Variants in GPHN observed in about 807,000 individuals in gnomAD.
GPHN encodes the protein gephyrin.
GPHN carries 17 observed loss-of-function variants against 95.5 expected under a neutral mutation model. The ratio of observed to expected loss-of-function variants is 0.18; its 90% CI spans 0.12 to 0.27. The LOEUF is 0.27. Ranked by LOEUF, GPHN falls within the 10% of genes least tolerant of loss-of-function variation. GPHN has a pLI of 1.00. For missense variants in GPHN, 660 were observed against 978.1 expected (o/e 0.67, Z 4.34); for synonymous variants, 320 against 322.5 (o/e 0.99, Z 0.08).
the GPHN span, among the ~76,000 whole-genome samples, chr14:67,378,518 G>A: frequency 1.3e-5 from 2 of 152,164 alleles, no homozygotes; most frequent in African/African-American, 2.4e-5. Context: ...GAGCCAGGCA[G>A]TATTCAAACG....
chr14:67,292,772 G>A, the GPHN span: 1 of 1,395,734 alleles, frequency 7.2e-7, no homozygotes, highest in Non-Finnish European at 1.0e-6. Flanking sequence ...GTAGTGGCAG[G>A]AAGGCAGGAT....
chr14:67,688,965 T>C, the GPHN span, among the ~76,000 whole-genome samples: 1 of 152,148 alleles, frequency 6.6e-6, no homozygotes, highest in Non-Finnish European at 1.5e-5. Context: ...AATGAATGAA[T>C]CTTCTGTCAA....
the GPHN span, chr14:67,385,686 G>A: frequency 1.4e-5 from 2 of 144,346 alleles, no homozygotes; most frequent in Admixed American, 7.0e-5. Context: ...TTGGCAAATG[G>A]TGTTATATTG....
intron 1 of GPHN, among the ~76,000 whole-genome samples, chr14:66,645,816 G>C (rs1330935861): frequency 1.3e-5 from 2 of 151,480 alleles, no homozygotes; most frequent in South Asian, 4.2e-4. Flanking sequence ...TAGATACTCA[G>C]ACTAACCCTA....
chr14:67,691,259 C>T, the GPHN span: 14 of 1,594,650 alleles, frequency 8.8e-6, no homozygotes, highest in Admixed American at 6.7e-5. Context: ...AGGGACAAGA[C>T]GATGGAGCGT....
chr14:67,702,659 C>T, the GPHN span, among the ~76,000 whole-genome samples: 1 of 152,106 alleles, frequency 6.6e-6, no homozygotes, highest in African/African-American at 2.4e-5. Context: ...GTCATGTGAA[C>T]TTGGAAAACC....
At chr14:67,027,566 G>A (rs920027613) in intron 10 of GPHN, among the ~76,000 whole-genome samples, 3 of 152,016 alleles carry the variant, frequency 2.0e-5, no homozygotes, top group Non-Finnish European at 4.4e-5. Flanking sequence ...TCCTGACCTC[G>A]TGATCAGCTG....
At chr14:67,711,942 G>A in the GPHN span, among the ~76,000 whole-genome samples, 81 of 151,612 alleles carry the variant, frequency 5.3e-4, no homozygotes, top group South Asian at 2.1e-3. Flanking sequence ...TTTTTGAGAC[G>A]GAGTTTTGCT....
intron 9 of GPHN, among the ~76,000 whole-genome samples, chr14:67,002,625 C>T (rs72730440): frequency 0.059 from 8,920 of 151,310 alleles, 316 homozygotes; most frequent in Middle Eastern, 0.085. Context: ...CTGTGCCTTA[C>T]TAACTTTGTG....
the GPHN span, among the ~76,000 whole-genome samples, chr14:67,675,532 G>C: frequency 2.6e-5 from 4 of 152,140 alleles, no homozygotes; most frequent in South Asian, 4.2e-4. Context: ...GGATGACCTC[G>C]AAATACTCTA....
chr14:67,602,612 C>T, the GPHN span, among the ~76,000 whole-genome samples: 1 of 152,136 alleles, frequency 6.6e-6, no homozygotes, highest in Non-Finnish European at 1.5e-5. Flanking sequence ...TTGGGCTCCA[C>T]GGATAGAATC....
chr14:66,804,896 A>G (rs2060488015), intron 3 of GPHN, among the ~76,000 whole-genome samples: 1 of 152,154 alleles, frequency 6.6e-6, no homozygotes, highest in Admixed American at 6.5e-5. Flanking sequence ...TTAACTGATT[A>G]TTGCTAGGAT....
chr14:67,000,802 A>G (rs949945485), intron 9 of GPHN, among the ~76,000 whole-genome samples: 7 of 151,782 alleles, frequency 4.6e-5, no homozygotes, highest in Middle Eastern at 3.4e-3. Flanking sequence ...ATAATGGGAA[A>G]ACACATTACA....
At chr14:67,381,170 A>G in the GPHN span, among the ~76,000 whole-genome samples, 1 of 152,174 alleles carries the variant, frequency 6.6e-6, no homozygotes. Flanking sequence ...ATTCTTTTTT[A>G]TGCTGGGTAA....
At chr14:66,516,768 A>G (rs2058262473) in intron 1 of GPHN, among the ~76,000 whole-genome samples, 1 of 152,246 alleles carries the variant, frequency 6.6e-6, no homozygotes, top group Admixed American at 6.5e-5. Flanking sequence ...TAAAAAACAC[A>G]TTAATGTGCA....
At chr14:66,661,735 G>A (rs2065666762) in intron 1 of GPHN, among the ~76,000 whole-genome samples, 1 of 151,416 alleles carries the variant, frequency 6.6e-6, no homozygotes, top group Non-Finnish European at 1.5e-5. Flanking sequence ...GTATTCTCTG[G>A]TTCACAATGT....
At chr14:67,571,615 C>T in the GPHN span, 2 of 773,874 alleles carry the variant, frequency 2.6e-6, no homozygotes. Context: ...GGACCTTACA[C>T]TGGACAGTTG....
intron 12 of GPHN, among the ~76,000 whole-genome samples, chr14:67,092,934 A>G (rs1341391881): frequency 6.6e-6 from 1 of 152,116 alleles, no homozygotes; most frequent in African/African-American, 2.4e-5. Context: ...CCTCCTATAT[A>G]GATGTAGGTG....
At chr14:66,540,874 A>G (rs1040844526) in intron 1 of GPHN, among the ~76,000 whole-genome samples, 4 of 152,118 alleles carry the variant, frequency 2.6e-5, no homozygotes, top group African/African-American at 9.7e-5. Flanking sequence ...CCTGGGTTCA[A>G]GTGATCCTCA....
Sources: allele counts gnomAD v4.1 joint callset (sites outside exome capture counted in the v4.1 genomes callset), GRCh38; gene constraint gnomAD v4.1.1; transcripts MANE v1.5; gene names NCBI Gene and HGNC (gene_info 2026-07-23, HGNC 2026-07-21).